Variants in RAI14 observed in about 807,000 individuals in gnomAD.
RAI14 encodes the protein ankycorbin.
RAI14 carries 45 observed loss-of-function variants against 115.4 expected under a neutral mutation model. That is an observed-to-expected ratio of 0.39 (90% CI 0.31 to 0.50). RAI14 has a LOEUF of 0.50. Ranked by LOEUF, RAI14 falls within the 20% of genes least tolerant of loss-of-function variation. RAI14 has a pLI of 0.85. For missense variants in RAI14, 939 were observed against 1,131.2 expected (o/e 0.83, Z 2.44); for synonymous variants, 371 against 415.4 (o/e 0.89, Z 1.30).
Position 34,824,474 on chromosome 5 carries a change from GAAGATA to G in RAI14, c.2641_2646del (p.Asp881_Lys882del), listed in dbSNP as rs756951885. 1.9e-6 allele frequency: 3 copies of G among 1,575,528 alleles called. No individual in the cohort carries two copies. In the African/African-American group the frequency reaches 4.1e-5, roughly 22 times the overall value. On this transcript the variant is annotated inframe_deletion, in exon 15 of 18. Transcript: ENST00000265109. ...CGCTGAGAGCTCTTCAAAACTGGAG[GAAGATA>G]AAGATAAAAAGGTTGGTGAAACTGT... is the stretch of plus-strand genomic sequence containing the variant.
chr5:34,710,144 G>A (rs1249939375), intron 2 of RAI14, among the ~76,000 whole-genome samples: 6 of 152,176 alleles, frequency 3.9e-5, no homozygotes, highest in African/African-American at 4.8e-5. Context: ...ACAGATGGGC[G>A]GCTTAGAACA....
intron 1 of RAI14, among the ~76,000 whole-genome samples, chr5:34,679,280 A>G (rs1744220288): frequency 6.6e-6 from 1 of 152,240 alleles, no homozygotes; most frequent in Non-Finnish European, 1.5e-5. Context: ...GGCTAAAATG[A>G]CTGTGGTATG....
rs556437066 is a variant in RAI14, at chr5:34,817,693, G to C, written c.940-1104G>C. Among the ~76,000 whole-genome samples, 5 of 152,258 alleles carry C rather than the reference G, an allele frequency of 3.3e-5. No homozygotes were observed. In the East Asian group the frequency reaches 9.7e-4, roughly 29 times the overall value. On this transcript the variant is annotated intron_variant, in intron 12 of 17. Transcript: ENST00000265109. ...GAACTGTAGTGCAAGTAACAACATA[G>C]TTGAATCTGAAAAGTCATCATGCTG...
chr5:34,720,401 ATTTTTTTTTT>A (rs35380327), intron 2 of RAI14, among the ~76,000 whole-genome samples: 1 of 80,230 alleles, frequency 1.2e-5, no homozygotes, highest in Admixed American at 1.6e-4. Context: ...CCTGTCTCAG[ATTTTTTTTTT>A]TTTTTTTTTT....
chr5:34,758,524 G>A (rs991951364), intron 3 of RAI14, among the ~76,000 whole-genome samples: 1 of 152,066 alleles, frequency 6.6e-6, no homozygotes, highest in East Asian at 1.9e-4. Flanking sequence ...TATTTTTAAG[G>A]TGTGTTATTG....
In RAI14 at chr5:34,788,089, T is replaced by A. The variant is rs138276947; in HGVS notation, c.168-7850T>A. Among the ~76,000 whole-genome samples, 286 of 151,678 alleles carry A rather than the reference T, an allele frequency of 1.9e-3. 1 individual carries two copies. The highest frequency in any genetic ancestry group is 6.2e-3 in the African/African-American group (255 of 41,376). On this transcript the variant is annotated intron_variant, in intron 3 of 17. Transcript: ENST00000265109. Reference sequence around the variant, plus strand: ...GTGCTACCACACCTGGCTAATTTTTTAAATTTTTTTGTAAAGACAGGATTT... The same window carrying A: ...GTGCTACCACACCTGGCTAATTTTTAAAATTTTTTTGTAAAGACAGGATTT...
At chr5:34,748,832 G>T (rs1394587860) in intron 2 of RAI14, among the ~76,000 whole-genome samples, 1 of 139,472 alleles carries the variant, frequency 7.2e-6, no homozygotes, top group East Asian at 2.1e-4. Flanking sequence ...AAAAAAAAAA[G>T]AAAATTTGGG....
intron 2 of RAI14, among the ~76,000 whole-genome samples, chr5:34,721,318 T>G (rs184997048): frequency 0.078 from 10,735 of 137,428 alleles, 633 homozygotes; most frequent in African/African-American, 0.16. Flanking sequence ...TATATATATA[T>G]ATATATAGAT....
intron 3 of RAI14, among the ~76,000 whole-genome samples, chr5:34,786,759 C>T (rs761103341): frequency 1.8e-4 from 27 of 152,152 alleles, no homozygotes; most frequent in Non-Finnish European, 2.2e-4. Context: ...GAGACCAGCT[C>T]GGTCGTGGAG....
At position 34,784,706 on chromosome 5, in the gene RAI14, A is replaced by G. The variant is rs191827731; in HGVS notation, c.168-11233A>G. ...CTGAGTTGGAAAAATTAGCAAATCT[A>G]GAGCCTTCTCTGGATCTATTCTATT... On this transcript the variant is annotated intron_variant, in intron 3 of 17. Coordinates refer to ENST00000265109, the MANE Select transcript of RAI14 (RefSeq NM_015577.3). Among the ~76,000 whole-genome samples the G allele has an allele frequency of 1.3e-3, 203 of 152,318 alleles. 2 individuals are homozygous for G. Among genetic ancestry groups the G allele is most frequent in the African/African-American group, 4.6e-3 (193 of 41,568 alleles).
chr5:34,822,664 C>CTTTTTTTT lies in RAI14; in HGVS notation c.1114-262_1114-255dup, dbSNP rs143092935. ...GCTTAGCTAACCACGCCTTTGGTATCTTTTTTTTTTTTTTTTTTTTTTTTT... is the reference window on the plus strand; with the variant it reads ...GCTTAGCTAACCACGCCTTTGGTATCTTTTTTTTTTTTTTTTTTTTTTTTTTTTTTTTT... On this transcript the variant is annotated intron_variant, in intron 14 of 17. Transcript: ENST00000265109. 2.1e-4 allele frequency among the ~76,000 whole-genome samples: 10 copies of CTTTTTTTT among 47,568 alleles called. 1 individual carries two copies. The highest frequency in any genetic ancestry group is 4.6e-4 in the African/African-American group (7 of 15,154). The allele number at this position is 47,568 out of a possible 152,430, so 31.2% of individuals were successfully genotyped here. A position where few individuals can be genotyped will look rare whatever the true frequency, so the allele number is the denominator to read the frequency against.
intron 1 of RAI14, among the ~76,000 whole-genome samples, chr5:34,663,680 A>G (rs1742876987): frequency 6.6e-6 from 1 of 152,198 alleles, no homozygotes; most frequent in South Asian, 2.1e-4. Context: ...GGAGATTAAC[A>G]TCTCTCAACT....
chr5:34,796,833 AACACACACACACAT>A (rs942013849), intron 4 of RAI14, among the ~76,000 whole-genome samples: 4 of 151,668 alleles, frequency 2.6e-5, no homozygotes, highest in African/African-American at 9.7e-5. Flanking sequence ...CACACACACA[AACACACACACACAT>A]ACACACACAC....
At chr5:34,729,804 C>CA (rs1277086290) in intron 2 of RAI14, among the ~76,000 whole-genome samples, 2 of 152,104 alleles carry the variant, frequency 1.3e-5, no homozygotes, top group Non-Finnish European at 2.9e-5. Flanking sequence ...CCACCATTTG[C>CA]AATGTATGAA....
At chr5:34,797,838 A>G (rs13155753) in intron 4 of RAI14, among the ~76,000 whole-genome samples, 64,457 of 152,008 alleles carry the variant, frequency 0.42, 14,194 homozygotes, top group Admixed American at 0.54. Context: ...AAGTAGGAGA[A>G]GTTTCCCTCT....
intron 10 of RAI14, among the ~76,000 whole-genome samples, chr5:34,812,882 A>G (rs1755770489): frequency 6.6e-6 from 1 of 152,218 alleles, no homozygotes; most frequent in South Asian, 2.1e-4. Flanking sequence ...TCAGCCAGAA[A>G]ATGTTAGCTA....
At chr5:34,818,135 G>A (rs907861426) in intron 12 of RAI14, among the ~76,000 whole-genome samples, 11 of 152,174 alleles carry the variant, frequency 7.2e-5, no homozygotes, top group Middle Eastern at 3.4e-3. Flanking sequence ...TGGCTCATTC[G>A]GATGCCACAT....
chr5:34,819,511 T>A (rs1331133449), intron 13 of RAI14, among the ~76,000 whole-genome samples: 1 of 152,222 alleles, frequency 6.6e-6, no homozygotes, highest in Non-Finnish European at 1.5e-5. Context: ...AAGACAAGAA[T>A]GTTCATGAAG....
chr5:34,815,178 C>T (rs1460820687), intron 12 of RAI14, among the ~76,000 whole-genome samples: 1 of 151,908 alleles, frequency 6.6e-6, no homozygotes, highest in Admixed American at 6.6e-5. Flanking sequence ...GTCAAGAGAT[C>T]GAGACCATCC....
Sources: allele counts gnomAD v4.1 joint callset (sites outside exome capture counted in the v4.1 genomes callset), GRCh38; gene constraint gnomAD v4.1.1; transcripts MANE v1.5; gene names NCBI Gene and HGNC (gene_info 2026-07-23, HGNC 2026-07-21).